C11orf16: variants seen among roughly 807,000 people sequenced by gnomAD.
The protein encoded by C11orf16 is uncharacterized protein C11orf16.
A neutral mutation model predicts 45.1 loss-of-function variants in C11orf16; 38 were observed. That is an observed-to-expected ratio of 0.84 (90% CI 0.65 to 1.10). The LOEUF is 1.10. Ranked by LOEUF, C11orf16 falls within the 50% of genes least tolerant of loss-of-function variation. The pLI, the probability that C11orf16 is intolerant of heterozygous loss-of-function variation, is 0.00. For synonymous variants in C11orf16, 221 were observed against 222.0 expected, an observed-to-expected ratio of 1.00 and a Z score of 0.04; for missense variants, 583 against 569.5, an observed-to-expected ratio of 1.02 and a Z score of -0.24.
In C11orf16 at chr11:8,920,076, TGAA is replaced by T; in HGVS notation, c.*394_*396del. 1 of 229,848 alleles carries T rather than the reference TGAA, an allele frequency of 4.4e-6. No homozygotes were observed. The highest frequency in any genetic ancestry group is 8.4e-5 in the East Asian group (1 of 11,874). The allele number at this position is 229,848 out of a possible 1,614,324, so 14.2% of individuals were successfully genotyped here. A position where few individuals can be genotyped will look rare whatever the true frequency, so the allele number is the denominator to read the frequency against. On this transcript the variant is annotated 3_prime_UTR_variant, in exon 7 of 7. Transcript: ENST00000326053. Reference sequence around the variant, plus strand: ...TTATGATAATAAAGAGATTTGGAAATGAAGAGAATTCATTTTTATTAAGAGGTG... The same window carrying T: ...TTATGATAATAAAGAGATTTGGAAATGAGAATTCATTTTTATTAAGAGGTG...
In C11orf16 at chr11:8,931,989, C is replaced by T. The variant is rs1159904219; in HGVS notation, c.167+153G>A. On this transcript the variant is annotated intron_variant, in intron 2 of 6. Coordinates refer to ENST00000326053, the MANE Select transcript of C11orf16 (RefSeq NM_020643.3). Reference sequence around the variant, plus strand: ...ACAATGTAGGCTGGAGTGACAGACCCCACACAGATATGCCAATCATAGGCC... The same window carrying T: ...ACAATGTAGGCTGGAGTGACAGACCTCACACAGATATGCCAATCATAGGCC... Among the ~76,000 whole-genome samples the T allele has an allele frequency of 2.6e-5, 4 of 152,198 alleles. 1 individual carries two copies. In the South Asian group the frequency reaches 8.3e-4, roughly 31 times the overall value.
chr11:8,924,972 T>A (rs78511825), intron 5 of C11orf16, among the ~76,000 whole-genome samples: 3,133 of 152,200 alleles, frequency 0.021, 46 homozygotes, highest in Middle Eastern at 0.034. Flanking sequence ...AAGAAGCACA[T>A]CGCAGTGCCC....
intron 3 of C11orf16, among the ~76,000 whole-genome samples, chr11:8,928,057 A>C (rs2246878): frequency 0.28 from 42,937 of 151,956 alleles, 6,978 homozygotes; most frequent in South Asian, 0.44. Context: ...ACAGGAGCCC[A>C]CCACCTGGCT....
chr11:8,925,344 G>A, intron 5 of C11orf16, 119 bp downstream of exon 5: 1 of 919,262 alleles, frequency 1.1e-6, no homozygotes. Flanking sequence ...GACTCCCAAG[G>A]ATTACTGCAG....
rs778475087 is a variant in C11orf16 at position 8,932,228 on chromosome 11, G to A, written c.81C>T (p.Asp27=). 1.4e-4 allele frequency: 221 copies of A among 1,607,444 alleles called. 4 individuals carry two copies. The South Asian group carries it at 1.9e-3, about 14-fold the overall frequency. Residue 27 remains aspartate (D), a synonymous_variant, in exon 2 of 7, where the codon GAC becomes GAT. Transcript: ENST00000326053. ...AGAGGTCCCAAGGTGGAGCAGCACC[G>A]TCCCAGCCAGGGGCCTTCAGGCTTG... is the stretch of plus-strand genomic sequence containing the variant. The part of the protein sequence containing the change: ...VATSLKAPGW[D]GAAPPWDLSF...
Position 8,925,993 on chromosome 11 carries a change from A to G in C11orf16, c.674T>C (p.Leu225Pro). The G allele has an allele frequency of 1.2e-6, 2 of 1,614,150 alleles. No individual in the cohort carries two copies. Among genetic ancestry groups the G allele is most frequent in the African/African-American group, 1.3e-5 (1 of 75,072 alleles). ...GTGCTCCCTGGTGAAAGACTTGTGCAGCCTCTCCACAGCCTTCTTCCAGAT... is the reference window on the plus strand; with the variant it reads ...GTGCTCCCTGGTGAAAGACTTGTGCGGCCTCTCCACAGCCTTCTTCCAGAT... ...LTIWKKAVER[L>P]HKSFTREHPR... is the part of the protein sequence containing the mutation. Residue 225 changes from leucine (L) to proline (P), a missense_variant, in exon 5 of 7, where the codon CTG becomes CCG. Leu to Pro is a moderately conservative substitution (Grantham distance 98). Coordinates refer to ENST00000326053, the MANE Select transcript of C11orf16 (RefSeq NM_020643.3).
intron 6 of C11orf16, 43 bp from the exon 7 acceptor site, chr11:8,920,493 C>T (rs765179135): frequency 1.6e-6 from 1 of 641,240 alleles, no homozygotes; most frequent in South Asian, 1.8e-5. Context: ...ATGCTGACTG[C>T]AATTTTAAGA....
chr11:8,932,382 C>T (rs926262553), intron 1 of C11orf16, 56 bp from the exon 2 acceptor site: 16 of 1,430,490 alleles, frequency 1.1e-5, no homozygotes, highest in South Asian at 7.2e-5. Flanking sequence ...CAGTGGCCAC[C>T]GGGGCGAGGC....
At chr11:8,929,899 A>G (rs1012481961) in intron 2 of C11orf16, among the ~76,000 whole-genome samples, 2 of 152,194 alleles carry the variant, frequency 1.3e-5, no homozygotes, top group Non-Finnish European at 2.9e-5. Flanking sequence ...TGGATGGATC[A>G]CTTGAGCTCA....
intron 3 of C11orf16, chr11:8,928,787 CA>C (rs2064631647): frequency 6.5e-6 from 1 of 152,684 alleles, no homozygotes; most frequent in Non-Finnish European, 1.5e-5. Context: ...AGGCATGAGC[CA>C]ACATGCCTTG....
At chr11:8,928,456 GTTCA>G in intron 3 of C11orf16, among the ~76,000 whole-genome samples, 1 of 152,198 alleles carries the variant, frequency 6.6e-6, no homozygotes, top group African/African-American at 2.4e-5. Context: ...TTAGGCTAGT[GTTCA>G]TTCAACACAC....
rs1379895963 is a variant in C11orf16 at position 8,926,123 on chromosome 11, T to C, written c.560-16A>G. 4.5e-6 allele frequency: 7 copies of C among 1,544,588 alleles called. No individual in the cohort carries two copies. The highest frequency in any genetic ancestry group is 6.1e-6 in the Non-Finnish European group (7 of 1,146,314). On this transcript the variant is annotated splice_polypyrimidine_tract_variant and intron_variant, in intron 4 of 6. Transcript: ENST00000326053. ...TCCTTTGATGCTACATAACAAAAAA[T>C]GGCAACATTTTGTTATAATTACCAA...
At chr11:8,927,470 C>T (rs2064622377) in intron 3 of C11orf16, 1 of 458,244 alleles carries the variant, frequency 2.2e-6, no homozygotes, top group South Asian at 1.9e-5. Context: ...TTTCCTCCTA[C>T]CAAATTTTTG....
intron 2 of C11orf16, among the ~76,000 whole-genome samples, chr11:8,931,030 C>T (rs763277404): frequency 1.2e-4 from 19 of 152,146 alleles, no homozygotes; most frequent in Non-Finnish European, 2.1e-4. Context: ...GGAGATGACA[C>T]GCTCCACATG....
At chr11:8,926,185 C>CTTTTTTTTT (rs59858402) in intron 4 of C11orf16, 78 bp from the exon 5 acceptor site, 32 of 888,934 alleles carry the variant, frequency 3.6e-5, no homozygotes, top group African/African-American at 1.5e-4. Context: ...TTTTTCTTTT[C>CTTTTTTTTT]TTTTTTTTTT....
At chr11:8,921,825 T>C (rs1390027916) in intron 5 of C11orf16, among the ~76,000 whole-genome samples, 1 of 152,098 alleles carries the variant, frequency 6.6e-6, no homozygotes, top group Non-Finnish European at 1.5e-5. Context: ...TAGTTTTTTG[T>C]AGAAACGGTC....
chr11:8,929,566 G>C, intron 2 of C11orf16, 33 bp from the exon 3 acceptor site: 1 of 1,586,826 alleles, frequency 6.3e-7, no homozygotes, highest in Non-Finnish European at 8.6e-7. Context: ...AGTGGATAGA[G>C]AGCAACAAGC....
intron 5 of C11orf16, among the ~76,000 whole-genome samples, chr11:8,924,550 C>T: frequency 6.6e-6 from 1 of 151,972 alleles, no homozygotes; most frequent in East Asian, 1.9e-4. Flanking sequence ...ACAACAACAA[C>T]AACAAAAACC....
intron 3 of C11orf16, chr11:8,927,842 A>T (rs889277101): frequency 3.4e-6 from 1 of 297,640 alleles, no homozygotes; most frequent in African/African-American, 2.2e-5. Context: ...CACTGGACAG[A>T]ACCTATATTT....
Sources: allele counts gnomAD v4.1 joint callset (sites outside exome capture counted in the v4.1 genomes callset), GRCh38; gene constraint gnomAD v4.1.1; transcripts MANE v1.5; gene names NCBI Gene and HGNC (gene_info 2026-07-23, HGNC 2026-07-21).